GABPB1: variants seen among roughly 807,000 people sequenced by gnomAD.
The protein encoded by GABPB1 is GA-binding protein subunit beta-1.
In GABPB1, 15 loss-of-function variants were observed where a neutral mutation model predicts 45.9. That is an observed-to-expected ratio of 0.33 (90% CI 0.22 to 0.50). The LOEUF (loss-of-function observed/expected upper bound fraction) is 0.50. GABPB1 is among the 20% of genes least tolerant of loss of function. The pLI is 0.98. For missense variants in GABPB1, 252 were observed against 457.5 expected (o/e 0.55, Z 4.10); for synonymous variants, 143 against 154.4 (o/e 0.93, Z 0.55).
chr15:50,299,164 G>GA (rs888999082), intron 6 of GABPB1, among the ~76,000 whole-genome samples: 2 of 151,944 alleles, frequency 1.3e-5, no homozygotes, highest in African/African-American at 2.4e-5. Flanking sequence ...ATCAAATTTT[G>GA]AAAAAACACT....
At chr15:50,307,993 CAT>C (rs2047004926) in intron 2 of GABPB1, among the ~76,000 whole-genome samples, 1 of 152,064 alleles carries the variant, frequency 6.6e-6, no homozygotes, top group South Asian at 2.1e-4. Context: ...TTATCTGTGA[CAT>C]AGTCTGGATC....
At chr15:50,321,809 G>C (rs975173692) in intron 1 of GABPB1, among the ~76,000 whole-genome samples, 3 of 151,938 alleles carry the variant, frequency 2.0e-5, no homozygotes, top group Non-Finnish European at 4.4e-5. Flanking sequence ...CATAATGTTT[G>C]CCTTTTTTAA....
intron 6 of GABPB1, among the ~76,000 whole-genome samples, chr15:50,300,527 T>G (rs1223830044): frequency 7.0e-6 from 1 of 143,134 alleles, no homozygotes; most frequent in South Asian, 2.3e-4. Flanking sequence ...ACTGCAGCCT[T>G]CACCTCCCGG....
intron 1 of GABPB1, among the ~76,000 whole-genome samples, chr15:50,339,690 A>G (rs2048281171): frequency 6.6e-6 from 1 of 152,158 alleles, no homozygotes; most frequent in African/African-American, 2.4e-5. Flanking sequence ...ATAAATGTCT[A>G]CAGATAAAAA....
chr15:50,310,336 G>A (rs1432649563), intron 1 of GABPB1, among the ~76,000 whole-genome samples: 1 of 152,088 alleles, frequency 6.6e-6, no homozygotes, highest in Non-Finnish European at 1.5e-5. Context: ...CAAATGATCT[G>A]CCCGCCTTGG....
chr15:50,300,952 T>C (rs1369542088), intron 5 of GABPB1, 50 bp from the exon 6 acceptor site: 2 of 1,094,152 alleles, frequency 1.8e-6, no homozygotes, highest in Non-Finnish European at 2.8e-6. Context: ...CTTAATCCAA[T>C]GCATATTTCT....
intron 1 of GABPB1, among the ~76,000 whole-genome samples, chr15:50,316,940 G>A (rs2047352942): frequency 6.6e-6 from 1 of 151,880 alleles, no homozygotes; most frequent in African/African-American, 2.4e-5. Flanking sequence ...TCAAGTGTTA[G>A]ACATTATATA....
intron 1 of GABPB1, among the ~76,000 whole-genome samples, chr15:50,316,676 G>A (rs58310382): frequency 0.014 from 2,077 of 151,422 alleles, 53 homozygotes; most frequent in African/African-American, 0.048. Flanking sequence ...CCCATCATAA[G>A]GAAACTATTC....
intron 1 of GABPB1, among the ~76,000 whole-genome samples, chr15:50,322,538 T>G (rs2047611669): frequency 1.3e-5 from 2 of 151,596 alleles, no homozygotes; most frequent in Admixed American, 6.6e-5. Context: ...AGAGCAAGAC[T>G]CCATCTCAAA....
chr15:50,307,129 A>G (rs1317930749), intron 2 of GABPB1, among the ~76,000 whole-genome samples: 4 of 152,132 alleles, frequency 2.6e-5, no homozygotes, highest in African/African-American at 9.7e-5. Flanking sequence ...CAAATTTACT[A>G]TGTGCTGCCA....
At chr15:50,284,701 T>C (rs1318445816) in intron 8 of GABPB1, among the ~76,000 whole-genome samples, 1 of 152,196 alleles carries the variant, frequency 6.6e-6, no homozygotes, top group East Asian at 1.9e-4. Flanking sequence ...AAAATTCAAG[T>C]AATTTTAAAA....
At chr15:50,317,217 G>A (rs1393297620) in intron 1 of GABPB1, among the ~76,000 whole-genome samples, 1 of 151,776 alleles carries the variant, frequency 6.6e-6, no homozygotes. Flanking sequence ...CCAACACAGT[G>A]AAATCCCACC....
At chr15:50,284,014 C>A (rs754534796) in intron 8 of GABPB1, among the ~76,000 whole-genome samples, 1 of 152,132 alleles carries the variant, frequency 6.6e-6, no homozygotes, top group African/African-American at 2.4e-5. Flanking sequence ...TCTACCCAGC[C>A]TCTACCCATT....
intron 8 of GABPB1, among the ~76,000 whole-genome samples, chr15:50,284,658 A>C (rs1233249396): frequency 6.6e-6 from 1 of 152,198 alleles, no homozygotes; most frequent in African/African-American, 2.4e-5. Flanking sequence ...TTAAAAATAT[A>C]ATCTGTTGAA....
At chr15:50,309,646 A>C in intron 2 of GABPB1, 45 bp downstream of exon 2, 1 of 1,231,318 alleles carries the variant, frequency 8.1e-7, no homozygotes, top group South Asian at 1.2e-5. Context: ...AAAAACTCAA[A>C]AATGAGAAGG....
chr15:50,354,418 A>T, intron 1 of GABPB1: 1 of 451,524 alleles, frequency 2.2e-6, no homozygotes, highest in Non-Finnish European at 4.4e-6. Context: ...CCGCGACCCG[A>T]GCGCCTCTCG....
intron 1 of GABPB1, among the ~76,000 whole-genome samples, chr15:50,321,964 CAAATT>C (rs1315774357): frequency 7.2e-6 from 1 of 138,918 alleles, no homozygotes. Flanking sequence ...GGCAGCAACT[CAAATT>C]AACAGATGTG....
intron 1 of GABPB1, among the ~76,000 whole-genome samples, chr15:50,343,566 T>A (rs1382977178): frequency 6.6e-6 from 1 of 151,572 alleles, no homozygotes; most frequent in African/African-American, 2.4e-5. Context: ...TTAGATGGAG[T>A]CTCGCTCTGT....
chr15:50,350,014 T>C (rs1335841430), intron 1 of GABPB1: 2 of 152,226 alleles, frequency 1.3e-5, no homozygotes, highest in Admixed American at 1.3e-4. Context: ...TTTTCTCACT[T>C]ACATATACCA....
Sources: gnomAD v4.1 joint callset for allele counts (sites outside exome capture counted in the v4.1 genomes callset) on GRCh38, gnomAD v4.1.1 for gene constraint, MANE v1.5 for transcripts, NCBI Gene and HGNC (gene_info 2026-07-23, HGNC 2026-07-21) for gene names.